The following WDR20 variants were observed in gnomAD, a reference collection of about 807,000 sequenced individuals.
WDR20 encodes the protein WD repeat domain 20, also known as WD repeat-containing protein 20.
In WDR20, 3 loss-of-function variants were observed where a neutral mutation model predicts 38.7. The ratio of observed to expected loss-of-function variants is 0.08; its 90% confidence interval spans 0.04 to 0.20. The LOEUF is 0.20. Ranked by LOEUF, WDR20 falls within the 10% of genes least tolerant of loss-of-function variation. The pLI is 1.00. For synonymous variants in WDR20, 298 were observed against 285.6 expected, an observed-to-expected ratio of 1.04 and a Z score of -0.44; for missense variants, 559 against 727.7, an observed-to-expected ratio of 0.77 and a Z score of 2.67.
At chr14:102,155,595 T>A (rs1421843052) in intron 1 of WDR20, among the ~76,000 whole-genome samples, 2 of 152,226 alleles carry the variant, frequency 1.3e-5, no homozygotes, top group Non-Finnish European at 2.9e-5. Context: ...CAGCATTGAC[T>A]CATTAGGGCT....
In WDR20 at chr14:102,209,592, C is replaced by T. The variant is rs368374786; in HGVS notation, c.1422C>T (p.His474=). ...TACATGACCGGAAGGAGAGGCACCACGAGAAAGATCACAAGCGAAATCATA... is the reference window on the plus strand; with the variant it reads ...TACATGACCGGAAGGAGAGGCACCATGAGAAAGATCACAAGCGAAATCATA... ...LSLHDRKERH[H]EKDHKRNHSM... The change falls in exon 3 of 3, where the codon CAC becomes CAT. Residue 474 remains histidine (H), a synonymous_variant. Coordinates refer to ENST00000342702, the MANE Select transcript of WDR20 (RefSeq NM_144574.4). This position sits in a 1 kb window ranked among gnomAD's most constrained non-coding sequence, Gnocchi z 6.0. The T allele has an allele frequency of 1.3e-5, 21 of 1,613,992 alleles. No homozygotes were observed. In the East Asian group the frequency reaches 2.4e-4, roughly 19 times the overall value.
chr14:102,140,224 G>A (rs777771325), intron 1 of WDR20, 52 bp downstream of exon 1: 67 of 1,598,262 alleles, frequency 4.2e-5, no homozygotes, highest in Non-Finnish European at 5.3e-5. Context: ...CAGAGGCCGG[G>A]AGCAGGGCGG....
intron 1 of WDR20, among the ~76,000 whole-genome samples, chr14:102,176,143 T>G (rs1252379782): frequency 6.6e-6 from 1 of 151,528 alleles, no homozygotes; most frequent in African/African-American, 2.4e-5. Flanking sequence ...GCCTGTAATC[T>G]CAGCACTTTG....
intron 1 of WDR20, among the ~76,000 whole-genome samples, chr14:102,153,046 C>T (rs2056438735): frequency 6.6e-6 from 1 of 152,094 alleles, no homozygotes; most frequent in Non-Finnish European, 1.5e-5. Context: ...GGGTGGATTT[C>T]TCAGGAATGG....
At chr14:102,197,705 C>T in intron 2 of WDR20, 1 of 681,184 alleles carries the variant, frequency 1.5e-6, no homozygotes, top group East Asian at 2.7e-5. Flanking sequence ...TGTGGGGGAA[C>T]CTTTGGCCTT....
chr14:102,223,044 G>A (rs1036938751), exon 4 of WDR20: 4 of 689,536 alleles, frequency 5.8e-6, no homozygotes, highest in Admixed American at 3.0e-5. Context: ...GCGGCGCCGT[G>A]CTCCCGCTGC....
intron 1 of WDR20, among the ~76,000 whole-genome samples, chr14:102,180,409 G>A (rs1430785975): frequency 6.6e-6 from 1 of 152,158 alleles, no homozygotes; most frequent in Non-Finnish European, 1.5e-5. Flanking sequence ...AGAGTGTCTT[G>A]CACGTTTTCA....
At chr14:102,186,219 A>G (rs2064674114) in intron 1 of WDR20, among the ~76,000 whole-genome samples, 1 of 152,242 alleles carries the variant, frequency 6.6e-6, no homozygotes, top group Non-Finnish European at 1.5e-5. Context: ...ACTGTGAGAA[A>G]CATGGATTGT....
chr14:102,201,445 G>A (rs2060366296), intron 2 of WDR20, among the ~76,000 whole-genome samples: 1 of 152,204 alleles, frequency 6.6e-6, no homozygotes, highest in Admixed American at 6.5e-5. Context: ...ACACTTTGAT[G>A]TGGTTATAGA....
At chr14:102,180,203 G>A (rs2063092110) in intron 1 of WDR20, among the ~76,000 whole-genome samples, 1 of 152,104 alleles carries the variant, frequency 6.6e-6, no homozygotes, top group African/African-American at 2.4e-5. Flanking sequence ...TTTGTTCCAG[G>A]TATGATTCTG....
At chr14:102,223,086 G>T (rs1283699567) in exon 4 of WDR20, 2 of 503,228 alleles carry the variant, frequency 4.0e-6, no homozygotes, top group Non-Finnish European at 7.0e-6. Flanking sequence ...ATTTTAAACC[G>T]GTCTTTTGGG....
chr14:102,183,480 A>G (rs139585427), intron 1 of WDR20, among the ~76,000 whole-genome samples: 3 of 152,338 alleles, frequency 2.0e-5, no homozygotes, highest in Admixed American at 2.0e-4. Context: ...TATGATATAC[A>G]ATTACTGCTA....
At chr14:102,140,728 C>T (rs1231730473) in intron 1 of WDR20, among the ~76,000 whole-genome samples, 1 of 152,216 alleles carries the variant, frequency 6.6e-6, no homozygotes, top group Non-Finnish European at 1.5e-5. Context: ...GGAGCCTCTC[C>T]TGGTGTTAAC....
chr14:102,161,316 A>AT (rs760892097), intron 1 of WDR20, among the ~76,000 whole-genome samples: 280 of 132,600 alleles, frequency 2.1e-3, no homozygotes, highest in Middle Eastern at 3.8e-3. Context: ...ATGCTCAGCT[A>AT]TTTTTTTTTT....
chr14:102,194,041 ACT>A (rs1156392717), intron 1 of WDR20, among the ~76,000 whole-genome samples: 1 of 151,756 alleles, frequency 6.6e-6, no homozygotes, highest in Non-Finnish European at 1.5e-5. Flanking sequence ...TTTGCTTTTG[ACT>A]CTCTCTCCCC....
At chr14:102,149,199 A>AT (rs2054840612) in intron 1 of WDR20, among the ~76,000 whole-genome samples, 2 of 151,560 alleles carry the variant, frequency 1.3e-5, no homozygotes, top group African/African-American at 4.8e-5. Flanking sequence ...ACATAAATAC[A>AT]TTTTTTTCTT....
At chr14:102,165,117 C>T (rs532226918) in intron 1 of WDR20, among the ~76,000 whole-genome samples, 2 of 152,226 alleles carry the variant, frequency 1.3e-5, no homozygotes, top group African/African-American at 4.8e-5. Context: ...TGTTTCCAGT[C>T]GTGGGTGTGG....
chr14:102,216,944 A>G (rs1228314403), downstream of WDR20, among the ~76,000 whole-genome samples: 1 of 152,120 alleles, frequency 6.6e-6, no homozygotes, highest in Non-Finnish European at 1.5e-5. Context: ...AAGAAAAAAA[A>G]TAGCCATTTC....
At chr14:102,203,399 C>T (rs1000677754) in intron 2 of WDR20, among the ~76,000 whole-genome samples, 6 of 151,988 alleles carry the variant, frequency 3.9e-5, no homozygotes, top group Non-Finnish European at 8.8e-5. Flanking sequence ...ATTTTTAGAA[C>T]CCTGTGTGTG....
Sources: gnomAD v4.1 joint callset for allele counts (sites outside exome capture counted in the v4.1 genomes callset) on GRCh38, gnomAD v4.1.1 for gene constraint, Gnocchi (gnomAD v3.1) non-coding constraint, MANE v1.5 for transcripts, NCBI Gene and HGNC (gene_info 2026-07-23, HGNC 2026-07-21) for gene names.